Variants in RAP1B observed in about 807,000 individuals in gnomAD.
RAP1B encodes RAP1B, member of RAS oncogene family.
Under a neutral mutation model 27.5 loss-of-function variants are expected in RAP1B, and 1 was observed. That is an observed-to-expected ratio of 0.04 (90% CI 0.01 to 0.17). RAP1B has a LOEUF of 0.17. Ranked by LOEUF, RAP1B falls within the 10% of genes least tolerant of loss-of-function variation. The pLI is 1.00. For missense variants in RAP1B, 84 were observed against 214.8 expected (o/e 0.39, Z 3.81); for synonymous variants, 75 against 73.1 (o/e 1.03, Z -0.13).
intron 1 of RAP1B, among the ~76,000 whole-genome samples, chr12:68,641,488 T>C (rs1019517630): frequency 6.6e-6 from 1 of 152,230 alleles, no homozygotes; most frequent in African/African-American, 2.4e-5. Flanking sequence ...AACTACGGTC[T>C]GTAGAGTAAA....
intron 7 of RAP1B, among the ~76,000 whole-genome samples, chr12:68,657,964 T>C (rs1874348447): frequency 6.6e-6 from 1 of 152,152 alleles, no homozygotes; most frequent in Non-Finnish European, 1.5e-5. Flanking sequence ...GTGCAGGATG[T>C]GCAGGTTTGT....
chr12:68,647,678 G>A (rs1873529875), intron 1 of RAP1B, among the ~76,000 whole-genome samples: 1 of 151,816 alleles, frequency 6.6e-6, no homozygotes, highest in African/African-American at 2.4e-5. Context: ...GACAGGAGCA[G>A]GTTAATGTTA....
At chr12:68,613,508 C>A (rs796421420) in intron 1 of RAP1B, among the ~76,000 whole-genome samples, 16 of 152,098 alleles carry the variant, frequency 1.1e-4, no homozygotes, top group African/African-American at 3.9e-4. Flanking sequence ...CGCATTACTT[C>A]CTGCCTCCTG....
chr12:68,618,586 TACTG>T (rs1871183107), intron 1 of RAP1B, among the ~76,000 whole-genome samples: 1 of 152,226 alleles, frequency 6.6e-6, no homozygotes, highest in African/African-American at 2.4e-5. Flanking sequence ...ATTTTTATAA[TACTG>T]AGACATTCTT....
intron 1 of RAP1B, among the ~76,000 whole-genome samples, chr12:68,638,398 A>C (rs111510456): frequency 6.6e-6 from 1 of 152,124 alleles, no homozygotes; most frequent in African/African-American, 2.4e-5. Flanking sequence ...CGAGAAGGTA[A>C]AGGAAAATGT....
chr12:68,652,478 T>C (rs995226880), intron 4 of RAP1B, among the ~76,000 whole-genome samples: 5 of 152,070 alleles, frequency 3.3e-5, no homozygotes, highest in African/African-American at 1.2e-4. Context: ...AGACTACTAG[T>C]TGCTAAACTT....
At chr12:68,635,807 G>A (rs1186686271) in intron 1 of RAP1B, among the ~76,000 whole-genome samples, 3 of 152,064 alleles carry the variant, frequency 2.0e-5, no homozygotes, top group Non-Finnish European at 4.4e-5. Flanking sequence ...ACTGGGGTTA[G>A]GGGGTGAGTG....
intron 1 of RAP1B, among the ~76,000 whole-genome samples, chr12:68,611,323 G>A (rs1170925774): frequency 6.6e-6 from 1 of 150,682 alleles, no homozygotes; most frequent in Non-Finnish European, 1.5e-5. Flanking sequence ...CTGAAATATG[G>A]CGGAGGAAGT....
At chr12:68,631,890 C>T (rs533162006) in intron 1 of RAP1B, among the ~76,000 whole-genome samples, 107 of 152,224 alleles carry the variant, frequency 7.0e-4, no homozygotes, top group African/African-American at 2.5e-3. Flanking sequence ...AAATTCCTGT[C>T]AGAACATATT....
At chr12:68,628,653 G>C (rs544380396) in intron 1 of RAP1B, among the ~76,000 whole-genome samples, 1 of 152,184 alleles carries the variant, frequency 6.6e-6, no homozygotes, top group African/African-American at 2.4e-5. Flanking sequence ...AAGAGGCCCT[G>C]ATGGTGTCAC....
intron 1 of RAP1B, among the ~76,000 whole-genome samples, chr12:68,619,590 A>T (rs1471056285): frequency 2.6e-5 from 4 of 152,198 alleles, no homozygotes; most frequent in African/African-American, 9.6e-5. Context: ...AGTGTCAAAG[A>T]CCAGTATCCA....
intron 1 of RAP1B, among the ~76,000 whole-genome samples, chr12:68,620,306 C>A (rs548707100): frequency 6.6e-6 from 1 of 151,764 alleles, no homozygotes; most frequent in Non-Finnish European, 1.5e-5. Flanking sequence ...TCATTGTAAC[C>A]TCCTCCTCCC....
intron 1 of RAP1B, among the ~76,000 whole-genome samples, chr12:68,636,776 C>G (rs1872659352): frequency 6.6e-6 from 1 of 151,992 alleles, no homozygotes; most frequent in African/African-American, 2.4e-5. Context: ...GCCTCAGCCT[C>G]CGGAGTAGCT....
chr12:68,642,556 T>C (rs1873094095), intron 1 of RAP1B: 1 of 1,064,536 alleles, frequency 9.4e-7, no homozygotes, highest in East Asian at 2.4e-5. Flanking sequence ...AAGGATACTT[T>C]TTCTCGTCTA....
chr12:68,644,260 G>A (rs1325966862), intron 1 of RAP1B, among the ~76,000 whole-genome samples: 2 of 152,112 alleles, frequency 1.3e-5, no homozygotes, highest in African/African-American at 2.4e-5. Context: ...TATTGACATG[G>A]AGGGTTCTTA....
intron 1 of RAP1B, among the ~76,000 whole-genome samples, chr12:68,644,872 G>A (rs1163156590): frequency 2.6e-5 from 4 of 151,608 alleles, no homozygotes; most frequent in Admixed American, 6.6e-5. Context: ...ATTTTTAGTA[G>A]AGGCTTTGCC....
chr12:68,616,511 A>G (rs999185628), intron 1 of RAP1B, among the ~76,000 whole-genome samples: 1 of 141,704 alleles, frequency 7.1e-6, no homozygotes, highest in Admixed American at 7.4e-5. Context: ...CAGTGGTGCA[A>G]TCTCAGCTCA....
rs201139970 is a variant in RAP1B at position 68,652,179 on chromosome 12, C to T, written c.183+128C>T. 39 of 666,458 alleles carry T rather than the reference C, an allele frequency of 5.9e-5. No individual in the cohort carries two copies. In the East Asian group the frequency reaches 1.0e-3, roughly 18 times the overall value. 41.3% of individuals were successfully genotyped at this position (666,458 alleles called of 1,614,324 possible). A position where few individuals can be genotyped will look rare whatever the true frequency, so the allele number is the denominator to read the frequency against. On this transcript the variant is annotated intron_variant, in intron 4 of 7. Coordinates refer to ENST00000250559, the MANE Select transcript of RAP1B (RefSeq NM_001010942.3). ...TACTGCTTGCAGCCGGTTGTAGTGGCTCACACCTCTATTCCCAGCACTTCG... is the reference window on the plus strand; with the variant it reads ...TACTGCTTGCAGCCGGTTGTAGTGGTTCACACCTCTATTCCCAGCACTTCG...
intron 1 of RAP1B, among the ~76,000 whole-genome samples, chr12:68,612,489 T>C (rs1236007749): frequency 3.9e-5 from 6 of 152,202 alleles, no homozygotes; most frequent in Non-Finnish European, 5.9e-5. Context: ...AGGAGGAAAC[T>C]GAGGCCTAGA....
Sources: gnomAD v4.1 joint callset for allele counts (sites outside exome capture counted in the v4.1 genomes callset) on GRCh38, gnomAD v4.1.1 for gene constraint, MANE v1.5 for transcripts, NCBI Gene and HGNC (gene_info 2026-07-23, HGNC 2026-07-21) for gene names.